EIF2AK4: variants seen among roughly 807,000 people sequenced by gnomAD.
EIF2AK4 encodes eukaryotic translation initiation factor 2 alpha kinase 4, also known as eIF-2-alpha kinase GCN2.
A neutral mutation model predicts 211.1 loss-of-function variants in EIF2AK4; 139 were observed. The observed-to-expected ratio is 0.66, with a 90% confidence interval of 0.57 to 0.76. The LOEUF is 0.76. EIF2AK4 is among the 30% of genes least tolerant of loss of function. EIF2AK4 has a pLI of 0.00. For synonymous variants in EIF2AK4, 710 were observed against 751.3 expected, an observed-to-expected ratio of 0.94 and a Z score of 0.90; for missense variants, 1,664 against 2,043.8, an observed-to-expected ratio of 0.81 and a Z score of 3.58.
chr15:39,969,341 G>C (rs1419749587), intron 9 of EIF2AK4, among the ~76,000 whole-genome samples: 1 of 148,280 alleles, frequency 6.7e-6, no homozygotes, highest in African/African-American at 2.5e-5. Context: ...CTTGAGATCA[G>C]CACAATTTCT....
chr15:40,003,925 C>T (rs1472007984), intron 23 of EIF2AK4, among the ~76,000 whole-genome samples: 1 of 152,236 alleles, frequency 6.6e-6, no homozygotes, highest in Admixed American at 6.5e-5. Flanking sequence ...CTCTCACATA[C>T]AGAAAGCACT....
intron 1 of EIF2AK4, among the ~76,000 whole-genome samples, chr15:39,938,748 T>G (rs958443397): frequency 6.6e-6 from 1 of 152,164 alleles, no homozygotes; most frequent in African/African-American, 2.4e-5. Context: ...AGCCTGAGCT[T>G]CTGTATCTGT....
At chr15:39,939,040 C>T (rs896639882) in intron 1 of EIF2AK4, among the ~76,000 whole-genome samples, 6 of 152,306 alleles carry the variant, frequency 3.9e-5, no homozygotes, top group Middle Eastern at 3.4e-3. Flanking sequence ...CTCCCCTGCT[C>T]GCAGAGTCCT....
At chr15:39,976,880 G>T in intron 12 of EIF2AK4, 36 bp downstream of exon 12, 1 of 1,430,126 alleles carries the variant, frequency 7.0e-7, no homozygotes, top group South Asian at 1.6e-5. Context: ...CCTCTGATGC[G>T]CCCCCTAGTT....
At chr15:40,016,347 TAGTC>T (rs1430121433) in intron 27 of EIF2AK4, among the ~76,000 whole-genome samples, 151 bp from the exon 28 acceptor site, 5 of 152,174 alleles carry the variant, frequency 3.3e-5, no homozygotes. Flanking sequence ...GGATAATCCT[TAGTC>T]AGGATTGTGG....
At chr15:40,032,890 T>C in intron 37 of EIF2AK4, 89 bp downstream of exon 37, 2 of 1,089,132 alleles carry the variant, frequency 1.8e-6, no homozygotes, top group South Asian at 3.2e-5. Context: ...CGGCATTCAT[T>C]AGTGATAGTA....
chr15:40,032,990 T>C (rs2035563214), intron 37 of EIF2AK4, among the ~76,000 whole-genome samples, 189 bp downstream of exon 37: 1 of 152,220 alleles, frequency 6.6e-6, no homozygotes, highest in African/African-American at 2.4e-5. Flanking sequence ...CTCATACTTT[T>C]CTAGTGACTT....
intron 29 of EIF2AK4, 139 bp from the exon 30 acceptor site, chr15:40,018,954 A>T: frequency 1.5e-6 from 1 of 667,538 alleles, no homozygotes. Context: ...TCTCTATTTT[A>T]CTACACACAC....
chr15:39,972,498 C>T (rs2034639071), intron 9 of EIF2AK4, among the ~76,000 whole-genome samples: 1 of 152,186 alleles, frequency 6.6e-6, no homozygotes, highest in African/African-American at 2.4e-5. Flanking sequence ...AGCCACTCTG[C>T]TGCACCAACT....
At chr15:39,966,612 A>G (rs1365962969) in intron 8 of EIF2AK4, among the ~76,000 whole-genome samples, 4 of 152,220 alleles carry the variant, frequency 2.6e-5, no homozygotes, top group Non-Finnish European at 4.4e-5. Context: ...TAAGGAGAAC[A>G]TTCAGTATTG....
At chr15:40,017,451 A>G (rs1317830711) in intron 29 of EIF2AK4, among the ~76,000 whole-genome samples, 1 of 143,364 alleles carries the variant, frequency 7.0e-6, no homozygotes, top group African/African-American at 2.6e-5. Context: ...ATTTTGCAAG[A>G]TAGTTGCAAA....
intron 9 of EIF2AK4, among the ~76,000 whole-genome samples, chr15:39,971,849 A>T (rs563184994): frequency 6.6e-6 from 1 of 152,194 alleles, no homozygotes; most frequent in South Asian, 2.1e-4. Context: ...TCACTGTCCA[A>T]ACCTCCAGAG....
rs1567000908 is a variant in EIF2AK4, at chr15:40,002,748, G to A, written c.3195G>A (p.Gln1065=). 1 of 1,614,206 alleles carries A rather than the reference G, an allele frequency of 6.2e-7. No homozygotes were observed. Among genetic ancestry groups the A allele is most frequent in the South Asian group, 1.1e-5 (1 of 91,084 alleles). ...CAATCCGTACAGCCAAGATGCAGCA[G>A]CATGTGTGTGAAACCATCATCCGCA... The part of the protein sequence containing the change: ...NFSIRTAKMQ[Q]HVCETIIRIF... The change falls in exon 22 of 39, where the codon CAG becomes CAA. Residue 1065 remains glutamine, a synonymous_variant. Coordinates refer to ENST00000263791, the MANE Select transcript of EIF2AK4 (RefSeq NM_001013703.4).
At chr15:39,939,709 C>T (rs2034118143) in intron 2 of EIF2AK4, 92 bp downstream of exon 2, 1 of 963,380 alleles carries the variant, frequency 1.0e-6, no homozygotes, top group Non-Finnish European at 1.5e-6. Flanking sequence ...TTTCTCCTTC[C>T]TGCTCCCATT....
intron 32 of EIF2AK4, among the ~76,000 whole-genome samples, chr15:40,023,478 A>G (rs187769616): frequency 7.4e-4 from 112 of 152,284 alleles, no homozygotes; most frequent in Non-Finnish European, 1.2e-3. Context: ...AAATATTTCT[A>G]TATATAGAGC....
chr15:40,028,689 G>GT (rs1258518978), intron 33 of EIF2AK4, among the ~76,000 whole-genome samples: 1 of 152,124 alleles, frequency 6.6e-6, no homozygotes, highest in African/African-American at 2.4e-5. Context: ...ACCATTAGGT[G>GT]TTTCTGAGGG....
At chr15:39,936,255 T>C (rs779270591) in intron 1 of EIF2AK4, among the ~76,000 whole-genome samples, 5 of 152,194 alleles carry the variant, frequency 3.3e-5, no homozygotes, top group Non-Finnish European at 5.9e-5. Flanking sequence ...TAGCTGTCTG[T>C]GGCCTATTGT....
At chr15:39,953,140 C>T (rs1417245792) in intron 4 of EIF2AK4, among the ~76,000 whole-genome samples, 3 of 152,194 alleles carry the variant, frequency 2.0e-5, no homozygotes, top group Non-Finnish European at 4.4e-5. Flanking sequence ...GCTACCGCAC[C>T]CTGCCGGGAG....
intron 23 of EIF2AK4, 110 bp from the exon 24 acceptor site, chr15:40,006,906 C>A: frequency 3.9e-6 from 3 of 762,760 alleles, no homozygotes; most frequent in South Asian, 1.7e-5. Flanking sequence ...CACTGAAGTA[C>A]ATACTTTAAA....
Sources: gnomAD v4.1 joint callset for allele counts (sites outside exome capture counted in the v4.1 genomes callset) on GRCh38, gnomAD v4.1.1 for gene constraint, MANE v1.5 for transcripts, NCBI Gene and HGNC (gene_info 2026-07-23, HGNC 2026-07-21) for gene names.